Variants in DCST1 observed in about 807,000 individuals in gnomAD.
DCST1 encodes DC-STAMP domain containing 1, also known as E3 ubiquitin-protein ligase DCST1.
Under a neutral mutation model 89.1 loss-of-function variants are expected in DCST1, and 78 were observed. That is an observed-to-expected ratio of 0.88 (90% CI 0.73 to 1.06). The LOEUF is 1.06. Among genes scored for constraint, DCST1 ranks in the 50% least tolerant of loss-of-function variants. The pLI, the probability that DCST1 is intolerant of heterozygous loss-of-function variation, is 0.00. For missense variants in DCST1, 900 were observed against 928.6 expected, an observed-to-expected ratio of 0.97 and a Z score of 0.40; for synonymous variants, 364 against 371.9, an observed-to-expected ratio of 0.98 and a Z score of 0.24.
intron 10 of DCST1, 131 bp from the exon 11 acceptor site, chr1:155,045,762 C>T: frequency 6.7e-6 from 5 of 742,020 alleles, no homozygotes; most frequent in South Asian, 6.5e-5. Flanking sequence ...CTAGCAGTGC[C>T]CAGGACATAG....
rs1458234323 is a variant in DCST1 at position 155,050,897 on chromosome 1, G to T, written c.*29G>T. The T allele has an allele frequency of 2.5e-6, 4 of 1,598,418 alleles. No individual in the cohort carries two copies. The highest frequency in any genetic ancestry group is 3.4e-6 in the Non-Finnish European group (4 of 1,168,474). On this transcript the variant is annotated 3_prime_UTR_variant, in exon 17 of 17. Transcript: ENST00000295542. ...GGCGTCCTGCTCGCTCTTCCGCACC[G>T]TCCTTCCCGGTTAATAAAATGCCCT... is the stretch of plus-strand genomic sequence containing the variant.
intron 10 of DCST1, among the ~76,000 whole-genome samples, chr1:155,044,540 G>A (rs1660545799): frequency 6.9e-6 from 1 of 144,726 alleles, no homozygotes; most frequent in South Asian, 2.2e-4. Flanking sequence ...ACACCCACAA[G>A]ACAGAGATGG....
At chr1:155,046,514 G>A in intron 13 of DCST1, 28 bp downstream of exon 13, 1 of 1,611,252 alleles carries the variant, frequency 6.2e-7, no homozygotes, top group Non-Finnish European at 8.5e-7. Flanking sequence ...ACACATTCCA[G>A]GCCCAAGAGA....
intron 16 of DCST1, among the ~76,000 whole-genome samples, chr1:155,049,899 CAA>C (rs1218842195): frequency 2.0e-5 from 3 of 152,310 alleles, no homozygotes; most frequent in South Asian, 4.1e-4. Context: ...GCAGAATGTG[CAA>C]AGACTCAGTC....
chr1:155,042,960 G>T, intron 9 of DCST1, 104 bp downstream of exon 9: 1 of 1,489,218 alleles, frequency 6.7e-7, no homozygotes, highest in South Asian at 1.3e-5. Context: ...ACAGGAAAGA[G>T]GTGACCAGGG....
intron 10 of DCST1, 55 bp from the exon 11 acceptor site, chr1:155,045,838 G>A (rs533073250): frequency 2.1e-5 from 31 of 1,487,128 alleles, no homozygotes; most frequent in African/African-American, 2.8e-5. Context: ...CATGTTTGGG[G>A]ATAGATGAGG....
At chr1:155,044,248 G>A (rs180793845) in intron 10 of DCST1, among the ~76,000 whole-genome samples, 58 of 152,324 alleles carry the variant, frequency 3.8e-4, no homozygotes, top group Admixed American at 1.0e-3. Flanking sequence ...TTGGGAAGCC[G>A]AGGTGGGAGG....
intron 13 of DCST1, among the ~76,000 whole-genome samples, chr1:155,046,860 C>A (rs921923813): frequency 1.3e-5 from 2 of 152,108 alleles, no homozygotes; most frequent in Non-Finnish European, 2.9e-5. Context: ...CCTGCCTCGG[C>A]CACCCAAAGT....
chr1:155,039,272 G>A, intron 4 of DCST1, 131 bp from the exon 5 acceptor site: 3 of 1,158,232 alleles, frequency 2.6e-6, no homozygotes, highest in Non-Finnish European at 3.5e-6. Flanking sequence ...ATCAGAGTCA[G>A]TGTAAATGGG....
intron 6 of DCST1, 60 bp from the exon 7 acceptor site, chr1:155,041,337 G>A: frequency 6.4e-7 from 1 of 1,574,228 alleles, no homozygotes. Context: ...CAGGCCCTCA[G>A]GCAGCAGAAG....
intron 4 of DCST1, among the ~76,000 whole-genome samples, chr1:155,037,727 A>G (rs1387022351): frequency 1.3e-5 from 2 of 152,138 alleles, no homozygotes; most frequent in Non-Finnish European, 2.9e-5. Context: ...GTGAGCCACC[A>G]TGCCTGGCCC....
chr1:155,047,972 A>G, intron 15 of DCST1, 43 bp downstream of exon 15: 1 of 1,592,440 alleles, frequency 6.3e-7, no homozygotes, highest in East Asian at 2.2e-5. Flanking sequence ...ACACCTGCAC[A>G]CACACACACA....
chr1:155,040,922 A>C lies in DCST1; in HGVS notation c.531+298A>C, dbSNP rs1660420370. Among the ~76,000 whole-genome samples the C allele has an allele frequency of 2.0e-5, 3 of 152,186 alleles. No homozygotes were observed. The South Asian group carries it at 6.2e-4, about 32-fold the overall frequency. On this transcript the variant is annotated intron_variant, in intron 6 of 16. Transcript: ENST00000295542. ...TGGGGGCTTTGGCCTTGAGTAGCTC[A>C]GAAGTTTCGAAGACAAGAGTATTCA...
rs140535295 is a variant in DCST1 at position 155,040,525 on chromosome 1, C to T, written c.432C>T (p.Ile144=). ...ANLRHNLNNV[I]ASLGCTVELQ... ...TGCGACACAATCTCAACAACGTGAT[C>T]GCATCGCTGGGCTGCACCGTGGAGC... is the stretch of plus-strand genomic sequence containing the variant. The change falls in exon 6 of 17, where the codon ATC becomes ATT. Residue 144 remains isoleucine, a synonymous_variant. Transcript: ENST00000295542. 98 of 1,595,604 alleles carry T rather than the reference C, an allele frequency of 6.1e-5. No homozygotes were observed. The African/African-American group carries it at 1.1e-3, about 19-fold the overall frequency.
intron 16 of DCST1, 186 bp from the exon 17 acceptor site, chr1:155,050,431 C>A: frequency 4.3e-6 from 3 of 704,160 alleles, no homozygotes; most frequent in South Asian, 1.9e-5. Flanking sequence ...GGTGCATCCT[C>A]CCATTCTCCA....
chr1:155,033,809 T>C, upstream of DCST1: 3 of 1,495,118 alleles, frequency 2.0e-6, no homozygotes, highest in Non-Finnish European at 1.8e-6. Context: ...TCACTGCATA[T>C]GTCTTGGAAT....
At chr1:155,037,716 C>A (rs1337688004) in intron 4 of DCST1, among the ~76,000 whole-genome samples, 2 of 152,186 alleles carry the variant, frequency 1.3e-5, no homozygotes, top group East Asian at 3.8e-4. Flanking sequence ...GGATTATAGG[C>A]GTGAGCCACC....
At chr1:155,041,205 C>G (rs1297913971) in intron 6 of DCST1, among the ~76,000 whole-genome samples, 192 bp from the exon 7 acceptor site, 1 of 152,022 alleles carries the variant, frequency 6.6e-6, no homozygotes, top group Non-Finnish European at 1.5e-5. Flanking sequence ...GACAAGGCAG[C>G]TGGTGGGGGG....
Position 155,039,389 on chromosome 1 carries a change from G to T in DCST1, c.263-14G>T, listed in dbSNP as rs199953826. The stretch of plus-strand genomic sequence containing the variant: ...CCTCACTTCAGCTCACCACCTCCTG[G>T]GCTCTCCTGACAGGCTTGGGGGCCA... On this transcript the variant is annotated splice_polypyrimidine_tract_variant and intron_variant, in intron 4 of 16. Transcript: ENST00000295542. The T allele has an allele frequency of 9.6e-5, 148 of 1,546,786 alleles. 1 individual carries two copies. In the African/African-American group the frequency reaches 1.9e-3, roughly 20 times the overall value.
Sources: allele counts gnomAD v4.1 joint callset (sites outside exome capture counted in the v4.1 genomes callset), GRCh38; gene constraint gnomAD v4.1.1; transcripts MANE v1.5; gene names NCBI Gene and HGNC (gene_info 2026-07-23, HGNC 2026-07-21).